Variants in PRSS36 observed in about 807,000 individuals in gnomAD.
The protein encoded by PRSS36 is serine protease 36, also known as polyserase-2.
In PRSS36, 90 loss-of-function variants were observed where a neutral mutation model predicts 94.3. That is an observed-to-expected ratio of 0.95 (90% confidence interval 0.80 to 1.14). The LOEUF is 1.14. Ranked by LOEUF, PRSS36 falls within the 50% of genes most tolerant of loss-of-function variation. The probability of loss-of-function intolerance (pLI) is 0.00; values close to 1 mark genes in which losing one functional copy is unlikely to be tolerated. For missense variants in PRSS36, 1,158 were observed against 1,135.0 expected (o/e 1.02, Z -0.29); for synonymous variants, 500 against 489.6 (o/e 1.02, Z -0.28).
chr16:31,142,681 C>T (rs1221220579), intron 9 of PRSS36, 37 bp from the exon 10 acceptor site: 1 of 1,401,776 alleles, frequency 7.1e-7, no homozygotes. Flanking sequence ...CGCTGCGGCC[C>T]AGACGGCCCC....
intron 6 of PRSS36, among the ~76,000 whole-genome samples, chr16:31,145,489 CTG>C (rs749144466): frequency 1.9e-4 from 29 of 151,580 alleles, no homozygotes; most frequent in Non-Finnish European, 4.3e-4. Flanking sequence ...AATTAGCAGT[CTG>C]TGGTGGTGCA....
chr16:31,139,262 G>T lies in PRSS36; in HGVS notation c.2444C>A (p.Pro815His), dbSNP rs372553600. The T allele has an allele frequency of 6.2e-7, 1 of 1,614,164 alleles. No homozygotes were observed. Among genetic ancestry groups the T allele is most frequent in the Admixed American group, 1.7e-5 (1 of 60,030 alleles). The change falls in exon 15 of 15, where the codon CCC becomes CAC. Residue 815 changes from proline (P) to histidine (H), a missense_variant. By Grantham distance (77) the Pro-to-His change is moderately conservative. Coordinates refer to ENST00000268281, the MANE Select transcript of PRSS36 (RefSeq NM_173502.5). ...QTVGEANFLP[P>H]SGSPHWPTGG... ...AGTGGGCCAGTGTGGGGAGCCACTG[G>T]GGGGCAGGAAGTTGGCCTCTCCCAC...
chr16:31,149,667 G>A (rs377751447), intron 2 of PRSS36, 29 bp downstream of exon 2: 71 of 1,613,924 alleles, frequency 4.4e-5, no homozygotes, highest in Non-Finnish European at 5.5e-5. Context: ...GCCTCTGCAC[G>A]TGACTTTCCC....
intron 8 of PRSS36, 147 bp downstream of exon 8, chr16:31,143,194 AG>A: frequency 7.2e-7 from 1 of 1,382,620 alleles, no homozygotes; most frequent in Non-Finnish European, 9.8e-7. Context: ...CTGCCAGGCC[AG>A]GACCCCTCTT....
rs2057757543 is a variant in PRSS36 at position 31,143,829 on chromosome 16, A to C, written c.729T>G (p.Ser243=). Residue 243 remains serine, a synonymous_variant, in exon 7 of 15, where the codon TCT becomes TCG. Coordinates refer to ENST00000268281, the MANE Select transcript of PRSS36 (RefSeq NM_173502.5). ...CTTCCTCACAGACCAGGGGCCCCCCAGAGTCACCCTAGTGGCAGATGACTG... is the reference window on the plus strand; with the variant it reads ...CTTCCTCACAGACCAGGGGCCCCCCCGAGTCACCCTAGTGGCAGATGACTG... ...EGRRDTCQGD[S]GGPLVCEEGG... is the part of the protein sequence containing the mutation. The C allele has an allele frequency of 6.2e-7, 1 of 1,613,390 alleles. No homozygotes were observed.
chr16:31,142,355 C>A, intron 10 of PRSS36, 126 bp downstream of exon 10: 1 of 1,121,506 alleles, frequency 8.9e-7, no homozygotes, highest in Non-Finnish European at 1.2e-6. Flanking sequence ...AGAGCCCACT[C>A]GGACCCGCCT....
rs368396607 is a variant in PRSS36 at position 31,140,596 on chromosome 16, C to A, written c.2063G>T (p.Arg688Leu). 2 of 1,607,974 alleles carry A rather than the reference C, an allele frequency of 1.2e-6. No individual in the cohort carries two copies. The highest frequency in any genetic ancestry group is 1.7e-5 in the Admixed American group (1 of 59,430). Residue 688 changes from arginine to leucine, a missense_variant, in exon 13 of 15, where the codon CGG (arginine) becomes CTG (leucine). Physicochemically the swap from Arg to Leu is moderately radical, Grantham distance 102. Coordinates refer to ENST00000268281, the MANE Select transcript of PRSS36 (RefSeq NM_173502.5). The stretch of plus-strand genomic sequence containing the variant: ...CAGGGCTGATGGGGAGGGCTCCACC[C>A]GGGAGCTCAGCTCCAGGAGGGCCAG... The part of the protein sequence containing the change: ...PPLALLELSS[R>L]VEPSPSALPI...
At chr16:31,146,095 A>T (rs1486150958) in intron 5 of PRSS36, 140 bp from the exon 6 acceptor site, 1 of 696,240 alleles carries the variant, frequency 1.4e-6, no homozygotes, top group Non-Finnish European at 2.3e-6. Context: ...CATTCACCAC[A>T]TCTCCTCCTG....
In PRSS36 at chr16:31,140,741, C is replaced by A. The variant is rs754613378; in HGVS notation, c.1918G>T (p.Val640Leu). 6.2e-7 allele frequency: 1 copy of A among 1,614,050 alleles called. No homozygotes were observed. The highest frequency in any genetic ancestry group is 8.5e-7 in the Non-Finnish European group (1 of 1,179,962). Residue 640 changes from valine (V) to leucine (L), a missense_variant, in exon 13 of 15, where the codon GTG (valine) becomes TTG (leucine). Physicochemically the swap from Val to Leu is conservative, Grantham distance 32. Transcript: ENST00000268281. ...HCVLRPGSTT[V>L]PYIEVYLGRA... ...CCCAGATACACTTCAATGTAAGGCA[C>A]TGTTGTAGAGCCTGGCCTGTTGGAA...
At chr16:31,146,599 T>C (rs944946436) in intron 5 of PRSS36, among the ~76,000 whole-genome samples, 2 of 152,046 alleles carry the variant, frequency 1.3e-5, no homozygotes, top group African/African-American at 4.8e-5. Context: ...CTGCAGCCCA[T>C]CCTGCTTTTG....
chr16:31,140,689 T>C lies in PRSS36; in HGVS notation c.1970A>G (p.Gln657Arg), dbSNP rs1432166805. 1.2e-6 allele frequency: 2 copies of C among 1,613,940 alleles called. No individual in the cohort carries two copies. The highest frequency in any genetic ancestry group is 8.5e-7 in the Non-Finnish European group (1 of 1,179,984). ...LGRAGASSLP[Q>R]GHQVSRLVIS... ...GACCAAGCGGGATACCTGGTGGCCCTGTGGGAGGGAGCTGGCCCCTGCCCG... is the reference window on the plus strand; with the variant it reads ...GACCAAGCGGGATACCTGGTGGCCCCGTGGGAGGGAGCTGGCCCCTGCCCG... Residue 657 changes from glutamine (Q) to arginine (R), a missense_variant, in exon 13 of 15, where the codon CAG becomes CGG. By Grantham distance (43) the Gln-to-Arg change is conservative. Transcript: ENST00000268281.
chr16:31,142,019 C>G, intron 10 of PRSS36, 59 bp from the exon 11 acceptor site: 1 of 1,479,152 alleles, frequency 6.8e-7, no homozygotes. Context: ...AATATCAGAG[C>G]TCCTGGGGCT....
rs1284424369 is a variant in PRSS36 at position 31,150,060 on chromosome 16, G to C, written c.-25C>G. ...TGGCGCTAGAGTCAGCGGAGGCAGAGCCAAGTGAAGGTCTGCTCCCTGCAG... is the reference window on the plus strand; with the variant it reads ...TGGCGCTAGAGTCAGCGGAGGCAGACCCAAGTGAAGGTCTGCTCCCTGCAG... On this transcript the variant is annotated 5_prime_UTR_variant, in exon 1 of 15. Transcript: ENST00000268281. 6.2e-7 allele frequency: 1 copy of C among 1,612,484 alleles called. No individual in the cohort carries two copies. Among genetic ancestry groups the C allele is most frequent in the Admixed American group, 1.7e-5 (1 of 59,884 alleles).
chr16:31,144,733 T>C (rs2057770868), intron 6 of PRSS36, among the ~76,000 whole-genome samples: 1 of 151,986 alleles, frequency 6.6e-6, no homozygotes, highest in Non-Finnish European at 1.5e-5. Flanking sequence ...GAGTTTGCAG[T>C]GAGCCAAGAT....
In PRSS36 at chr16:31,141,859, G is replaced by A. The variant is rs754263964; in HGVS notation, c.1623C>T (p.Phe541=). ...TCCATGGGCCATGAGTCTGCAGAGG[G>A]AAGAAGGCTCGGGGACGTAGACAGC... ...PSGCLRPRAF[F]PLQTHGPWIS... Residue 541 remains phenylalanine (F), a synonymous_variant, in exon 11 of 15, where the codon TTC becomes TTT. Coordinates refer to ENST00000268281, the MANE Select transcript of PRSS36 (RefSeq NM_173502.5). 4.3e-6 allele frequency: 7 copies of A among 1,614,192 alleles called. No homozygotes were observed. In the East Asian group the frequency reaches 1.3e-4, roughly 31 times the overall value.
chr16:31,149,636 G>T, intron 2 of PRSS36, 60 bp downstream of exon 2: 1 of 1,610,656 alleles, frequency 6.2e-7, no homozygotes, highest in Non-Finnish European at 8.5e-7. Flanking sequence ...CAGCACCCAT[G>T]CCAGTCCTCT....
Position 31,139,020 on chromosome 16 carries a change from C to A in PRSS36, c.*118G>T, listed in dbSNP as rs1357246794. The stretch of plus-strand genomic sequence containing the variant: ...GCACTGAGGCCCAATTAGCCAGAGC[C>A]GCTGCAATCTCGGTGGGTGGGGCCC... On this transcript the variant is annotated 3_prime_UTR_variant, in exon 15 of 15. Coordinates refer to ENST00000268281, the MANE Select transcript of PRSS36 (RefSeq NM_173502.5). 5.7e-6 allele frequency: 7 copies of A among 1,226,334 alleles called. No individual in the cohort carries two copies. Among genetic ancestry groups the A allele is most frequent in the Non-Finnish European group, 7.9e-6 (7 of 881,138 alleles). The allele number at this position is 1,226,334 out of a possible 1,614,324, so 76.0% of individuals were successfully genotyped here.
intron 5 of PRSS36, among the ~76,000 whole-genome samples, chr16:31,147,232 T>C (rs2057811338): frequency 6.6e-6 from 1 of 152,102 alleles, no homozygotes; most frequent in Non-Finnish European, 1.5e-5. Context: ...ACATGACTTA[T>C]CTGGGTCCAC....
chr16:31,147,886 C>G (rs1187130394), intron 5 of PRSS36, among the ~76,000 whole-genome samples: 1 of 152,064 alleles, frequency 6.6e-6, no homozygotes, highest in Non-Finnish European at 1.5e-5. Flanking sequence ...TATTATAGGC[C>G]AGCCTTATGC....
Sources: gnomAD v4.1 joint callset for allele counts (sites outside exome capture counted in the v4.1 genomes callset) on GRCh38, gnomAD v4.1.1 for gene constraint, MANE v1.5 for transcripts, NCBI Gene and HGNC (gene_info 2026-07-23, HGNC 2026-07-21) for gene names.